Variants in KCNT2 observed in about 807,000 individuals in gnomAD.
The protein encoded by KCNT2 is potassium channel subfamily T member 2.
Under a neutral mutation model 153.8 loss-of-function variants are expected in KCNT2, and 67 were observed. That is an observed-to-expected ratio of 0.44 (90% CI 0.36 to 0.53). KCNT2 has a LOEUF of 0.53. Ranked by LOEUF, KCNT2 falls within the 20% of genes least tolerant of loss-of-function variation. KCNT2 has a pLI of 0.00. For missense variants in KCNT2, 975 were observed against 1,354.8 expected (o/e 0.72, Z 4.40); for synonymous variants, 500 against 458.8 (o/e 1.09, Z -1.15).
intron 27 of KCNT2, among the ~76,000 whole-genome samples, chr1:196,231,860 A>G (rs773330881): frequency 7.9e-5 from 12 of 151,906 alleles, no homozygotes; most frequent in Non-Finnish European, 1.5e-4. Flanking sequence ...AAAGGAGAGA[A>G]GAAAATAAAT....
intron 1 of KCNT2, among the ~76,000 whole-genome samples, chr1:196,594,127 G>T (rs1663760490): frequency 6.6e-6 from 1 of 151,956 alleles, no homozygotes. Context: ...GGCACTGCTG[G>T]CTGTCAAGCA....
intron 1 of KCNT2, among the ~76,000 whole-genome samples, chr1:196,508,337 T>C (rs1180725545): frequency 2.6e-5 from 4 of 151,918 alleles, no homozygotes; most frequent in Non-Finnish European, 5.9e-5. Flanking sequence ...TTTTGACCTT[T>C]GAACAGTGAA....
At chr1:196,279,553 G>A (rs975721231) in intron 25 of KCNT2, among the ~76,000 whole-genome samples, 1 of 151,488 alleles carries the variant, frequency 6.6e-6, no homozygotes, top group African/African-American at 2.4e-5. Context: ...CTCCCGAGTA[G>A]CTGGGACTAC....
rs565003417 is a variant in KCNT2 at position 196,569,300 on chromosome 1, T to A, written c.95+38915A>T. The stretch of plus-strand genomic sequence containing the variant: ...TGTTTTAATAATTTCTAAATTTACT[T>A]TGAATAAAATATTTTTTAAAAAACA... On this transcript the variant is annotated intron_variant, in intron 1 of 27. Coordinates refer to ENST00000294725, the MANE Select transcript of KCNT2 (RefSeq NM_198503.5). Among the ~76,000 whole-genome samples, 4 of 152,298 alleles carry A rather than the reference T, an allele frequency of 2.6e-5. No homozygotes were observed. In the South Asian group the frequency reaches 8.3e-4, roughly 32 times the overall value.
chr1:196,416,331 GA>G (rs1421578457), intron 12 of KCNT2, among the ~76,000 whole-genome samples: 1 of 152,026 alleles, frequency 6.6e-6, no homozygotes, highest in Non-Finnish European at 1.5e-5. Context: ...AATAAGGAAA[GA>G]AAAATATCTT....
intron 12 of KCNT2, among the ~76,000 whole-genome samples, chr1:196,410,025 G>T (rs1442572288): frequency 1.3e-5 from 2 of 151,538 alleles, no homozygotes; most frequent in Non-Finnish European, 3.0e-5. Flanking sequence ...TTTTCGATTT[G>T]CATTTCCCTG....
intron 1 of KCNT2, among the ~76,000 whole-genome samples, chr1:196,565,124 A>C (rs1289239985): frequency 6.6e-6 from 1 of 151,778 alleles, no homozygotes; most frequent in East Asian, 1.9e-4. Flanking sequence ...AATAGCAAAA[A>C]AAAAAAGCAA....
chr1:196,510,102 C>A (rs1160406824), intron 1 of KCNT2, among the ~76,000 whole-genome samples: 3 of 151,922 alleles, frequency 2.0e-5, no homozygotes, highest in Admixed American at 2.0e-4. Context: ...ATATAGTACA[C>A]TCAGGGAAGT....
At chr1:196,350,609 T>G (rs1314254197) in intron 14 of KCNT2, among the ~76,000 whole-genome samples, 1 of 152,222 alleles carries the variant, frequency 6.6e-6, no homozygotes, top group African/African-American at 2.4e-5. Context: ...ATTAGCCTTC[T>G]GTCAGATGAG....
intron 1 of KCNT2, among the ~76,000 whole-genome samples, chr1:196,534,854 A>G (rs760808594): frequency 3.3e-5 from 5 of 152,170 alleles, no homozygotes; most frequent in Non-Finnish European, 7.4e-5. Context: ...AAAGGAAACA[A>G]AAACAGAAGA....
intron 26 of KCNT2, among the ~76,000 whole-genome samples, chr1:196,243,496 G>A (rs1296815396): frequency 6.6e-6 from 1 of 152,134 alleles, no homozygotes; most frequent in Non-Finnish European, 1.5e-5. Flanking sequence ...CCTATCTTTT[G>A]GCAGTGGCCA....
At chr1:196,516,096 G>A (rs1682027985) in intron 1 of KCNT2, among the ~76,000 whole-genome samples, 1 of 152,150 alleles carries the variant, frequency 6.6e-6, no homozygotes, top group Non-Finnish European at 1.5e-5. Context: ...CCTGGGAAAG[G>A]AGCTAAATCC....
chr1:196,364,809 C>T (rs1390404471), intron 14 of KCNT2, among the ~76,000 whole-genome samples: 1 of 152,068 alleles, frequency 6.6e-6, no homozygotes, highest in East Asian at 1.9e-4. Flanking sequence ...GCAGCAATAT[C>T]TAGATCTGCT....
intron 1 of KCNT2, among the ~76,000 whole-genome samples, chr1:196,596,564 T>A (rs888205335): frequency 1.3e-5 from 2 of 152,180 alleles, no homozygotes; most frequent in African/African-American, 4.8e-5. Context: ...TTGCCCACTT[T>A]TTGATGGGAT....
chr1:196,246,295 A>G (rs1655440879), intron 26 of KCNT2, among the ~76,000 whole-genome samples: 1 of 152,182 alleles, frequency 6.6e-6, no homozygotes, highest in Non-Finnish European at 1.5e-5. Flanking sequence ...CTTTAAACAA[A>G]AAAGGGAAAT....
At chr1:196,302,334 C>T (rs761743926) in intron 22 of KCNT2, among the ~76,000 whole-genome samples, 1 of 151,778 alleles carries the variant, frequency 6.6e-6, no homozygotes, top group Non-Finnish European at 1.5e-5. Flanking sequence ...TAAAAAAAAA[C>T]CTTGATTGGA....
chr1:196,517,649 G>T (rs747028499), intron 1 of KCNT2, among the ~76,000 whole-genome samples: 7 of 152,146 alleles, frequency 4.6e-5, no homozygotes, highest in Non-Finnish European at 7.4e-5. Flanking sequence ...CAGCAGAGTA[G>T]AACAAGCTGA....
At chr1:196,367,137 A>C (rs1668108781) in intron 14 of KCNT2, among the ~76,000 whole-genome samples, 1 of 152,126 alleles carries the variant, frequency 6.6e-6, no homozygotes. Flanking sequence ...TGCTTTACTG[A>C]GATAAATTTC....
At chr1:196,477,192 AGTG>A (rs753716381) in intron 5 of KCNT2, among the ~76,000 whole-genome samples, 1 of 152,138 alleles carries the variant, frequency 6.6e-6, no homozygotes, top group Non-Finnish European at 1.5e-5. Flanking sequence ...AGAAAAAAAA[AGTG>A]AGCCTGAAAA....
Sources: gnomAD v4.1 joint callset for allele counts (sites outside exome capture counted in the v4.1 genomes callset) on GRCh38, gnomAD v4.1.1 for gene constraint, MANE v1.5 for transcripts, NCBI Gene and HGNC (gene_info 2026-07-23, HGNC 2026-07-21) for gene names.